Variants in UGCG observed in about 807,000 individuals in gnomAD.
UGCG encodes ceramide glucosyltransferase.
Under a neutral mutation model 49.5 loss-of-function variants are expected in UGCG, and 10 were observed. The observed-to-expected ratio is 0.20, with a 90% confidence interval of 0.12 to 0.34. The LOEUF is 0.34. UGCG is among the 10% of genes least tolerant of loss of function. The probability of loss-of-function intolerance (pLI) is 1.00; values close to 1 mark genes in which losing one functional copy is unlikely to be tolerated. For synonymous variants in UGCG, 182 were observed against 158.2 expected (o/e 1.15, Z -1.13); for missense variants, 312 against 483.7 (o/e 0.65, Z 3.33).
Position 111,929,586 on chromosome 9 carries a change from G to A in UGCG, c.645G>A (p.Met215Ile). Residue 215 changes from methionine (M) to isoleucine (I), a missense_variant, in exon 6 of 9, where the codon ATG (methionine) becomes ATA (isoleucine). Transcript: ENST00000374279. ...GTGTGACAGGAATGTCTTGTTTAATGAGAAAAGATGTGTTGGATCAAGCAG... is the reference window on the plus strand; with the variant it reads ...GTGTGACAGGAATGTCTTGTTTAATAAGAAAAGATGTGTTGGATCAAGCAG... ...FKCVTGMSCL[M>I]RKDVLDQAGG... 6.2e-7 allele frequency: 1 copy of A among 1,614,056 alleles called. No individual in the cohort carries two copies. Among genetic ancestry groups the A allele is most frequent in the Non-Finnish European group, 8.5e-7 (1 of 1,180,006 alleles).
In UGCG at chr9:111,933,858, G is replaced by A. The variant is rs191061611; in HGVS notation, c.*861G>A. 1 of 152,168 alleles carries A rather than the reference G, an allele frequency of 6.6e-6. No individual in the cohort carries two copies. The highest frequency in any genetic ancestry group is 6.5e-5 in the Admixed American group (1 of 15,280). The allele number at this position is 152,168 out of a possible 1,614,324, so 9.4% of individuals were successfully genotyped here. ...GTCTTCCCTTAACATTTTTTCAGGG[G>A]GGGTTGGGAGTGGTTTCATTTTAGT... On this transcript the variant is annotated 3_prime_UTR_variant, in exon 9 of 9. Transcript: ENST00000374279.
chr9:111,917,377 C>T lies in UGCG; in HGVS notation c.240+2631C>T, dbSNP rs370719283. ...GACTAAAGTTAAACCACTGAAATCA[C>T]GCATATCTGAGCATGAACAGACAAG... On this transcript the variant is annotated intron_variant, in intron 2 of 8. Coordinates refer to ENST00000374279, the MANE Select transcript of UGCG (RefSeq NM_003358.3). Among the ~76,000 whole-genome samples, 36 of 152,272 alleles carry T rather than the reference C, an allele frequency of 2.4e-4. No homozygotes were observed. In the East Asian group the frequency reaches 6.6e-3, roughly 28 times the overall value.
intron 5 of UGCG, 91 bp downstream of exon 5, chr9:111,926,587 A>C: frequency 2.9e-4 from 273 of 947,890 alleles, no homozygotes; most frequent in Non-Finnish European, 3.9e-4. Flanking sequence ...TAGGTATCTC[A>C]AGTTAACTGT....
intron 1 of UGCG, among the ~76,000 whole-genome samples, chr9:111,908,265 G>A (rs1472159569): frequency 6.6e-6 from 1 of 152,164 alleles, no homozygotes; most frequent in Non-Finnish European, 1.5e-5. Context: ...GTGAATACAT[G>A]ATAGCTAAAT....
intron 2 of UGCG, among the ~76,000 whole-genome samples, chr9:111,920,916 T>G (rs1188769454): frequency 3.9e-5 from 6 of 151,916 alleles, no homozygotes; most frequent in Non-Finnish European, 5.9e-5. Flanking sequence ...TTTTGTTTTT[T>G]TTTTGAGATG....
At chr9:111,910,889 G>A (rs1250503308) in intron 1 of UGCG, among the ~76,000 whole-genome samples, 9 of 152,064 alleles carry the variant, frequency 5.9e-5, no homozygotes, top group Non-Finnish European at 1.2e-4. Context: ...GGGACCACAG[G>A]TGCACACCAC....
At chr9:111,922,291 A>G (rs752069745) in intron 2 of UGCG, among the ~76,000 whole-genome samples, 26 of 152,218 alleles carry the variant, frequency 1.7e-4, no homozygotes, top group Non-Finnish European at 2.8e-4. Context: ...TTTGTTTCAA[A>G]AAGTTATGAA....
At chr9:111,904,295 A>T (rs979212071) in intron 1 of UGCG, among the ~76,000 whole-genome samples, 2 of 152,182 alleles carry the variant, frequency 1.3e-5, no homozygotes, top group African/African-American at 4.8e-5. Flanking sequence ...CATGTGGACT[A>T]ATACTACTAC....
At chr9:111,917,549 C>G (rs1838132283) in intron 2 of UGCG, among the ~76,000 whole-genome samples, 1 of 152,180 alleles carries the variant, frequency 6.6e-6, no homozygotes, top group East Asian at 1.9e-4. Context: ...ACATAACTTT[C>G]TCTTCTAATA....
At position 111,903,352 on chromosome 9, in the gene UGCG, G is replaced by T. The variant is rs564619240; in HGVS notation, c.98+6039G>T. The stretch of plus-strand genomic sequence containing the variant: ...GGCCGAGGCAGGCAGATCACCTGAG[G>T]TCAGGAGTTCAAGACCAGCCTGACC... On this transcript the variant is annotated intron_variant, in intron 1 of 8. Coordinates refer to ENST00000374279, the MANE Select transcript of UGCG (RefSeq NM_003358.3). Among the ~76,000 whole-genome samples the T allele has an allele frequency of 7.1e-4, 108 of 152,174 alleles. 3 individuals are homozygous for T. The South Asian group carries it at 0.021, about 30-fold the overall frequency.
At chr9:111,899,299 C>G (rs749563282) in intron 1 of UGCG, among the ~76,000 whole-genome samples, 29 of 152,186 alleles carry the variant, frequency 1.9e-4, no homozygotes, top group Non-Finnish European at 3.2e-4. Context: ...ATTCACAGTC[C>G]TGGTAACATT....
chr9:111,928,650 G>A (rs1471898533), intron 5 of UGCG, among the ~76,000 whole-genome samples: 1 of 152,190 alleles, frequency 6.6e-6, no homozygotes, highest in Non-Finnish European at 1.5e-5. Flanking sequence ...TGGGTTCAGG[G>A]TAGGTAGCAA....
chr9:111,906,464 G>T (rs530978566), intron 1 of UGCG, among the ~76,000 whole-genome samples: 61 of 152,010 alleles, frequency 4.0e-4, no homozygotes, highest in African/African-American at 1.5e-3. Context: ...CAGTCTCGCT[G>T]TGTCGCCCAA....
chr9:111,923,761 C>T (rs1026695531), intron 3 of UGCG, among the ~76,000 whole-genome samples: 12 of 152,016 alleles, frequency 7.9e-5, no homozygotes, highest in African/African-American at 2.9e-4. Context: ...GCCTCCTGAG[C>T]AGCTGGGATC....
chr9:111,923,547 A>T (rs1314767278), intron 3 of UGCG, among the ~76,000 whole-genome samples: 1 of 152,222 alleles, frequency 6.6e-6, no homozygotes, highest in Admixed American at 6.5e-5. Context: ...GACCATTACA[A>T]ATCTATCAGC....
intron 1 of UGCG, among the ~76,000 whole-genome samples, chr9:111,898,316 G>C (rs1268023903): frequency 6.6e-6 from 1 of 151,932 alleles, no homozygotes; most frequent in Non-Finnish European, 1.5e-5. Flanking sequence ...ATTGTATATA[G>C]TAATCGTTAC....
intron 1 of UGCG, among the ~76,000 whole-genome samples, chr9:111,909,382 C>G (rs1193234260): frequency 1.3e-5 from 2 of 152,184 alleles, no homozygotes; most frequent in Non-Finnish European, 2.9e-5. Flanking sequence ...ATCTCAAACT[C>G]TTTCATGATT....
chr9:111,926,065 A>G (rs1838307466), intron 4 of UGCG, among the ~76,000 whole-genome samples: 1 of 152,220 alleles, frequency 6.6e-6, no homozygotes, highest in South Asian at 2.1e-4. Context: ...CTTTTCCACT[A>G]GGACAGATTG....
intron 2 of UGCG, among the ~76,000 whole-genome samples, chr9:111,915,294 A>G (rs1218687832): frequency 2.0e-5 from 3 of 152,218 alleles, no homozygotes; most frequent in Non-Finnish European, 4.4e-5. Context: ...TAATCTGTAT[A>G]TCTGTAAACT....
Sources: allele counts gnomAD v4.1 joint callset (sites outside exome capture counted in the v4.1 genomes callset), GRCh38; gene constraint gnomAD v4.1.1; transcripts MANE v1.5; gene names NCBI Gene and HGNC (gene_info 2026-07-23, HGNC 2026-07-21).